SIRPG: variants seen among roughly 807,000 people sequenced by gnomAD.
The protein encoded by SIRPG is signal-regulatory protein gamma.
SIRPG carries 38 observed loss-of-function variants against 35.7 expected under a neutral mutation model. That is an observed-to-expected ratio of 1.06 (90% CI 0.82 to 1.40). The LOEUF is 1.40. SIRPG is among the 40% of genes most tolerant of loss of function. SIRPG has a pLI of 0.00. For synonymous variants in SIRPG, 215 were observed against 190.4 expected (o/e 1.13, Z -1.06); for missense variants, 519 against 483.0 (o/e 1.07, Z -0.70).
At chr20:1,639,446 T>TTGCATAC (rs1173148387) in intron 2 of SIRPG, among the ~76,000 whole-genome samples, 2 of 152,240 alleles carry the variant, frequency 1.3e-5, no homozygotes, top group African/African-American at 4.8e-5. Context: ...TTCATATACT[T>TTGCATAC]TGCATACTTT....
At chr20:1,680,799 T>A in the SIRPG span, among the ~76,000 whole-genome samples, 1 of 151,972 alleles carries the variant, frequency 6.6e-6, no homozygotes, top group African/African-American at 2.4e-5. Flanking sequence ...ATGAAAACAT[T>A]CAAAATTATA....
intron 1 of SIRPG, among the ~76,000 whole-genome samples, 185 bp downstream of exon 1, chr20:1,657,457 C>G (rs927049132): frequency 6.4e-4 from 98 of 152,300 alleles, no homozygotes; most frequent in African/African-American, 2.3e-3. Context: ...GGTTTGATGC[C>G]TCTGGTAGCC....
the SIRPG span, among the ~76,000 whole-genome samples, chr20:1,683,682 G>A: frequency 6.6e-6 from 1 of 152,108 alleles, no homozygotes; most frequent in Non-Finnish European, 1.5e-5. Flanking sequence ...TAAAAAAGTT[G>A]AACTCACACA....
intron 2 of SIRPG, among the ~76,000 whole-genome samples, chr20:1,645,065 A>G (rs1009573323): frequency 6.6e-6 from 1 of 152,076 alleles, no homozygotes; most frequent in Non-Finnish European, 1.5e-5. Flanking sequence ...TGGGATTTCA[A>G]TGCTTTTTTA....
the SIRPG span, among the ~76,000 whole-genome samples, chr20:1,667,722 A>G: frequency 6.6e-6 from 1 of 152,210 alleles, no homozygotes; most frequent in African/African-American, 2.4e-5. Flanking sequence ...CAGTGGCTGT[A>G]TATGCTTGTT....
At chr20:1,657,879 C>A, upstream of SIRPG, 1 of 595,258 alleles carries the variant, frequency 1.7e-6, no homozygotes, top group South Asian at 2.4e-5. Context: ...ACAAATCAGG[C>A]ACAGTAGGCA....
At chr20:1,680,341 C>A in the SIRPG span, among the ~76,000 whole-genome samples, 2 of 152,148 alleles carry the variant, frequency 1.3e-5, no homozygotes, top group Non-Finnish European at 2.9e-5. Context: ...TACTGGGATC[C>A]CCTGGTCTGG....
intron 1 of SIRPG, among the ~76,000 whole-genome samples, chr20:1,653,593 A>C (rs1435994653): frequency 2.0e-5 from 3 of 152,198 alleles, no homozygotes; most frequent in Non-Finnish European, 4.4e-5. Context: ...GGAAGAGGGA[A>C]TTTCAGGATA....
At chr20:1,644,706 C>T (rs6110764) in intron 2 of SIRPG, among the ~76,000 whole-genome samples, 37,083 of 152,072 alleles carry the variant, frequency 0.24, 5,271 homozygotes, top group East Asian at 0.62. Context: ...TGAGTGGGAT[C>T]TCCCGATCTG....
chr20:1,646,384 C>G (rs2091897697), intron 2 of SIRPG: 1 of 152,312 alleles, frequency 6.6e-6, no homozygotes, highest in African/African-American at 2.4e-5. Flanking sequence ...TAGGAAATAC[C>G]TCATCTCCTC....
At chr20:1,668,979 T>C in the SIRPG span, among the ~76,000 whole-genome samples, 1 of 152,204 alleles carries the variant, frequency 6.6e-6, no homozygotes, top group Non-Finnish European at 1.5e-5. Flanking sequence ...ATGAGGCTAA[T>C]GTCTTAGGGC....
intron 1 of SIRPG, among the ~76,000 whole-genome samples, chr20:1,656,680 C>G (rs1429441575): frequency 6.6e-6 from 1 of 152,060 alleles, no homozygotes; most frequent in Non-Finnish European, 1.5e-5. Context: ...CAGGAAAGAC[C>G]TCCCAATCCT....
At chr20:1,635,226 G>C in intron 4 of SIRPG, 41 bp downstream of exon 4, 1 of 1,491,050 alleles carries the variant, frequency 6.7e-7, no homozygotes, top group Non-Finnish European at 9.1e-7. Flanking sequence ...CTTTTAAAAT[G>C]AGAGAAAAAG....
In SIRPG at chr20:1,657,638, TCACCTGTAAGTCC is replaced by T. The variant is rs2091983313; in HGVS notation, c.64_73+3del. The T allele has an allele frequency of 1.9e-6, 3 of 1,613,978 alleles. No individual in the cohort carries two copies. Among genetic ancestry groups the T allele is most frequent in the African/African-American group, 2.7e-5 (2 of 74,910 alleles). On this transcript the variant is annotated splice_donor_variant and splice_donor_region_variant and coding_sequence_variant and intron_variant, in exon 1 of 6. Coordinates refer to ENST00000303415, the MANE Select transcript of SIRPG (RefSeq NM_018556.4). LOFTEE classifies it high-confidence loss of function. ...AAAGGGTTCTAGCCCAATGCAATGC[TCACCTGTAAGTCC>T]CAGCAGTAGAGTCAGAAGCAGGAAA...
intron 4 of SIRPG, among the ~76,000 whole-genome samples, chr20:1,634,915 C>G (rs973465375): frequency 6.6e-6 from 1 of 151,482 alleles, no homozygotes; most frequent in Non-Finnish European, 1.5e-5. Flanking sequence ...TGGTGGCGGG[C>G]GCCTGTAGTC....
the SIRPG span, among the ~76,000 whole-genome samples, chr20:1,679,024 C>G: frequency 3.3e-5 from 5 of 152,224 alleles, no homozygotes; most frequent in African/African-American, 1.2e-4. Flanking sequence ...TTAAGATATT[C>G]TCAGATAAAT....
At chr20:1,634,159 A>C (rs2091772203) in intron 4 of SIRPG, among the ~76,000 whole-genome samples, 1 of 151,824 alleles carries the variant, frequency 6.6e-6, no homozygotes, top group African/African-American at 2.4e-5. Flanking sequence ...ATCAGGACAC[A>C]GAAGAGGTCC....
the SIRPG span, among the ~76,000 whole-genome samples, chr20:1,683,827 G>A: frequency 6.6e-6 from 1 of 152,028 alleles, no homozygotes. Context: ...AAATTAGCCG[G>A]GCATGGTGGC....
At chr20:1,677,072 A>G in the SIRPG span, among the ~76,000 whole-genome samples, 1 of 144,342 alleles carries the variant, frequency 6.9e-6, no homozygotes. Context: ...ATGAGACTGT[A>G]TTAGAAGTGA....
Sources: allele counts gnomAD v4.1 joint callset (sites outside exome capture counted in the v4.1 genomes callset), GRCh38; gene constraint gnomAD v4.1.1; transcripts MANE v1.5; gene names NCBI Gene and HGNC (gene_info 2026-07-23, HGNC 2026-07-21).